Variants in TMEM196 observed in about 807,000 individuals in gnomAD.
TMEM196 encodes the protein transmembrane protein 196.
TMEM196 carries 17 observed loss-of-function variants against 20.0 expected under a neutral mutation model. That is an observed-to-expected ratio of 0.85 (90% CI 0.58 to 1.27). The LOEUF is 1.27. Among genes scored for constraint, TMEM196 ranks in the 50% most tolerant of loss-of-function variants. The pLI is 0.00. For missense variants in TMEM196, 267 were observed against 223.0 expected, an observed-to-expected ratio of 1.20 and a Z score of -1.26; for synonymous variants, 113 against 88.9, an observed-to-expected ratio of 1.27 and a Z score of -1.52.
chr7:19,721,918 A>C lies in TMEM196; in HGVS notation c.*210T>G, dbSNP rs1455577375. On this transcript the variant is annotated 3_prime_UTR_variant, in exon 5 of 5. Transcript: ENST00000405844. ...TTTTTTACCCCATAAAAAAGGGTGG[A>C]GAAACCAGTGAGGCAATATATTTTT... 1.6e-6 allele frequency: 1 copy of C among 638,664 alleles called. No individual in the cohort carries two copies. Among genetic ancestry groups the C allele is most frequent in the Non-Finnish European group, 2.6e-6 (1 of 385,102 alleles). 39.6% of individuals were successfully genotyped at this position (638,664 alleles called of 1,614,324 possible).
chr7:19,752,288 C>T (rs369964850), intron 1 of TMEM196, among the ~76,000 whole-genome samples: 21 of 152,264 alleles, frequency 1.4e-4, no homozygotes, highest in African/African-American at 5.1e-4. Context: ...ATCCTGTTTC[C>T]ACTCACCACT....
At chr7:19,763,350 A>T (rs1785504288) in intron 1 of TMEM196, among the ~76,000 whole-genome samples, 2 of 152,208 alleles carry the variant, frequency 1.3e-5, no homozygotes, top group African/African-American at 4.8e-5. Flanking sequence ...CCATATGGAA[A>T]AATAATTGGC....
At position 19,721,806 on chromosome 7, in the gene TMEM196, T is replaced by C; in HGVS notation, c.*322A>G. On this transcript the variant is annotated 3_prime_UTR_variant, in exon 5 of 5. Coordinates refer to ENST00000405844, the MANE Select transcript of TMEM196 (RefSeq NM_001363562.2). Reference sequence around the variant, plus strand: ...GTATAGAATATGCATTTTATTTCTGTTTTATTATCTCTTTTTCCTGAAAAG... The same window carrying C: ...GTATAGAATATGCATTTTATTTCTGCTTTATTATCTCTTTTTCCTGAAAAG... 1 of 345,774 alleles carries C rather than the reference T, an allele frequency of 2.9e-6. No homozygotes were observed. The highest frequency in any genetic ancestry group is 5.2e-6 in the Non-Finnish European group (1 of 192,744). 21.4% of individuals were successfully genotyped at this position (345,774 alleles called of 1,614,324 possible). A position where few individuals can be genotyped will look rare whatever the true frequency, so the allele number is the denominator to read the frequency against.
At position 19,725,693 on chromosome 7, in the gene TMEM196, T is replaced by C. The variant is rs1160355878; in HGVS notation, c.280A>G (p.Thr94Ala). The C allele has an allele frequency of 1.2e-6, 2 of 1,613,706 alleles. No individual in the cohort carries two copies. Among genetic ancestry groups the C allele is most frequent in the Non-Finnish European group, 1.7e-6 (2 of 1,179,762 alleles). ...ILNFQFLRAV[T>A]KKTSSLYPLH... ...GGGTATAGGGAGGAAGTTTTCTTTG[T>C]GACTGCCCGGAGGAACTGAAAATTC... is the stretch of plus-strand genomic sequence containing the variant. The change falls in exon 3 of 5, where the codon ACA becomes GCA. Residue 94 changes from threonine (T) to alanine (A), a missense_variant. By Grantham distance (58) the Thr-to-Ala change is moderately conservative. Transcript: ENST00000405844.
At chr7:19,728,274 G>T (rs1004463025) in intron 2 of TMEM196, among the ~76,000 whole-genome samples, 2 of 151,490 alleles carry the variant, frequency 1.3e-5, no homozygotes, top group African/African-American at 4.9e-5. Flanking sequence ...CCAAGGAGTT[G>T]TTCCTACATA....
chr7:19,740,244 T>C (rs537574287), intron 1 of TMEM196, among the ~76,000 whole-genome samples: 8 of 152,254 alleles, frequency 5.3e-5, no homozygotes, highest in Non-Finnish European at 1.2e-4. Context: ...AAAAGCAAGG[T>C]GTAAAATTGT....
rs1426205841 is a variant in TMEM196, at chr7:19,720,833, G to T, written c.*1295C>A. ...ATCGTAAAACAAAACACCTAAATTA[G>T]ATTACAGCAAAGGTAATTATAACTT... On this transcript the variant is annotated 3_prime_UTR_variant, in exon 5 of 5. Coordinates refer to ENST00000405844, the MANE Select transcript of TMEM196 (RefSeq NM_001363562.2). 1 of 151,834 alleles carries T rather than the reference G, an allele frequency of 6.6e-6. No homozygotes were observed. Among genetic ancestry groups the T allele is most frequent in the Non-Finnish European group, 1.5e-5 (1 of 67,792 alleles). 9.4% of individuals were successfully genotyped at this position (151,834 alleles called of 1,614,324 possible).
At chr7:19,726,128 C>T (rs1783992383) in intron 2 of TMEM196, among the ~76,000 whole-genome samples, 1 of 152,146 alleles carries the variant, frequency 6.6e-6, no homozygotes, top group African/African-American at 2.4e-5. Flanking sequence ...ATGCTAGGAA[C>T]TTTAACAAAT....
intron 1 of TMEM196, among the ~76,000 whole-genome samples, chr7:19,745,273 G>C (rs1784712580): frequency 6.6e-6 from 1 of 152,024 alleles, no homozygotes; most frequent in Non-Finnish European, 1.5e-5. Context: ...ATCTGCAGTT[G>C]GTTGAATTGG....
chr7:19,752,892 C>G (rs1359343214), intron 1 of TMEM196, among the ~76,000 whole-genome samples: 1 of 152,168 alleles, frequency 6.6e-6, no homozygotes, highest in Non-Finnish European at 1.5e-5. Context: ...GGATTACAAG[C>G]ATGAGCCACC....
chr7:19,756,560 C>T (rs118074635), intron 1 of TMEM196, among the ~76,000 whole-genome samples: 4 of 152,004 alleles, frequency 2.6e-5, no homozygotes, highest in Non-Finnish European at 4.4e-5. Flanking sequence ...GTGTTGTTCC[C>T]GTCTATGAGT....
intron 1 of TMEM196, among the ~76,000 whole-genome samples, chr7:19,732,633 T>G (rs7456692): frequency 0.18 from 27,288 of 148,298 alleles, 3,275 homozygotes; most frequent in East Asian, 0.6. Context: ...TTTTTTTTTT[T>G]TGTGTGTGTT....
intron 1 of TMEM196, among the ~76,000 whole-genome samples, chr7:19,743,000 A>G (rs774023651): frequency 1.3e-5 from 2 of 152,128 alleles, no homozygotes; most frequent in East Asian, 1.9e-4. Context: ...TGTCTTGTTC[A>G]TACTTATCTC....
chr7:19,772,415 GA>G, intron 1 of TMEM196, 134 bp downstream of exon 1: 2 of 953,940 alleles, frequency 2.1e-6, no homozygotes, highest in Non-Finnish European at 2.9e-6. Context: ...TTGTCAGCAT[GA>G]ACCTACATGC....
At chr7:19,736,317 G>A (rs1193785588) in intron 1 of TMEM196, among the ~76,000 whole-genome samples, 17 of 102,998 alleles carry the variant, frequency 1.7e-4, no homozygotes, top group East Asian at 6.5e-4. Context: ...TATGTGCTTC[G>A]TTTCATTTGA....
rs188469298 is a variant in TMEM196 at position 19,749,263 on chromosome 7, C to G, written c.148-19825G>C. ...CTTCTTAGAAGTGGAGGAAGACCTA[C>G]TTATAACACGTGATACGGAGAGAGC... On this transcript the variant is annotated intron_variant, in intron 1 of 4. Transcript: ENST00000405844. Among the ~76,000 whole-genome samples the G allele has an allele frequency of 2.0e-5, 3 of 152,284 alleles. No homozygotes were observed. In the East Asian group the frequency reaches 5.8e-4, roughly 29 times the overall value.
intron 1 of TMEM196, among the ~76,000 whole-genome samples, chr7:19,743,208 G>A (rs776929146): frequency 3.9e-5 from 6 of 152,082 alleles, no homozygotes; most frequent in Non-Finnish European, 8.8e-5. Flanking sequence ...GATCATTTCT[G>A]GGGATCAGAC....
At chr7:19,733,733 AGAG>A (rs1784294339) in intron 1 of TMEM196, among the ~76,000 whole-genome samples, 1 of 152,084 alleles carries the variant, frequency 6.6e-6, no homozygotes, top group South Asian at 2.1e-4. Flanking sequence ...TATACGAAGT[AGAG>A]GACATTGACC....
intron 1 of TMEM196, among the ~76,000 whole-genome samples, chr7:19,749,343 T>C (rs918886762): frequency 2.0e-5 from 3 of 152,180 alleles, no homozygotes; most frequent in African/African-American, 7.2e-5. Flanking sequence ...AATGATTCAT[T>C]TGAATTAAGT....
Sources: gnomAD v4.1 joint callset for allele counts (sites outside exome capture counted in the v4.1 genomes callset) on GRCh38, gnomAD v4.1.1 for gene constraint, MANE v1.5 for transcripts, NCBI Gene and HGNC (gene_info 2026-07-23, HGNC 2026-07-21) for gene names.